The following ATP8A2 variants were observed in gnomAD, a reference collection of about 807,000 sequenced individuals.
The protein encoded by ATP8A2 is ATPase phospholipid transporting 8A2, also known as phospholipid-transporting ATPase IB.
Under a neutral mutation model 165.6 loss-of-function variants are expected in ATP8A2, and 100 were observed. The observed-to-expected ratio is 0.60, with a 90% confidence interval of 0.51 to 0.71. The LOEUF (loss-of-function observed/expected upper bound fraction) is 0.71, where lower values mean the gene tolerates loss of function less well. Ranked by LOEUF, ATP8A2 falls within the 30% of genes least tolerant of loss-of-function variation. ATP8A2 has a pLI of 0.00. For missense variants in ATP8A2, 1,227 were observed against 1,479.5 expected, an observed-to-expected ratio of 0.83 and a Z score of 2.80; for synonymous variants, 543 against 548.8, an observed-to-expected ratio of 0.99 and a Z score of 0.15.
At chr13:25,607,207 T>C (rs1029882673) in intron 24 of ATP8A2, among the ~76,000 whole-genome samples, 1 of 152,210 alleles carries the variant, frequency 6.6e-6, no homozygotes, top group Non-Finnish European at 1.5e-5. Context: ...GTTAAAATTA[T>C]CTTCCACAAA....
At chr13:25,540,686 G>T (rs1340763821) in intron 8 of ATP8A2, among the ~76,000 whole-genome samples, 1 of 152,128 alleles carries the variant, frequency 6.6e-6, no homozygotes. Flanking sequence ...GGCTGGGAAG[G>T]ACACAGCTTA....
rs74039594 is a variant in ATP8A2 at position 25,908,239 on chromosome 13, A to G, written c.3183+45831A>G. Among the ~76,000 whole-genome samples, 432 of 152,282 alleles carry G rather than the reference A, an allele frequency of 2.8e-3. 2 individuals carry two copies. Among genetic ancestry groups the G allele is most frequent in the African/African-American group, 9.6e-3 (399 of 41,548 alleles). On this transcript the variant is annotated intron_variant, in intron 33 of 36. Transcript: ENST00000381655. ...GGCAGTTTTCTAATGCAGTGGTGTCAGTAGTTACCGTAAGTCAGCAGTCAT... is the reference window on the plus strand; with the variant it reads ...GGCAGTTTTCTAATGCAGTGGTGTCGGTAGTTACCGTAAGTCAGCAGTCAT...
intron 1 of ATP8A2, among the ~76,000 whole-genome samples, chr13:25,422,859 G>A (rs182051404): frequency 7.2e-4 from 110 of 152,324 alleles, no homozygotes; most frequent in African/African-American, 2.5e-3. Flanking sequence ...GCTGTTGCTG[G>A]GGCAAATGTC....
At chr13:25,881,493 T>A (rs1185374695) in intron 33 of ATP8A2, among the ~76,000 whole-genome samples, 1 of 152,140 alleles carries the variant, frequency 6.6e-6, no homozygotes, top group Non-Finnish European at 1.5e-5. Context: ...AGGACTGTGC[T>A]TGAGAGTTAA....
In ATP8A2 at chr13:25,868,046, G is replaced by T. The variant is rs1376091006; in HGVS notation, c.3183+5638G>T. 3.8e-5 allele frequency: 17 copies of T among 441,846 alleles called. No homozygotes were observed. In the Admixed American group the frequency reaches 4.3e-4, roughly 11 times the overall value. The allele number at this position is 441,846 out of a possible 1,614,324, so 27.4% of individuals were successfully genotyped here. A position where few individuals can be genotyped will look rare whatever the true frequency, so the allele number is the denominator to read the frequency against. Reference sequence around the variant, plus strand: ...GTGGGGCGCTCAGTGAGAATTTCCTGTGTGCTGCCCGGCCTTGTGGGTAGC... The same window carrying T: ...GTGGGGCGCTCAGTGAGAATTTCCTTTGTGCTGCCCGGCCTTGTGGGTAGC... On this transcript the variant is annotated intron_variant, in intron 33 of 36. Transcript: ENST00000381655.
chr13:25,408,502 C>T (rs1417879363), intron 1 of ATP8A2, among the ~76,000 whole-genome samples: 1 of 152,146 alleles, frequency 6.6e-6, no homozygotes. Flanking sequence ...CTGTGGCAGG[C>T]TCATGCACAC....
intron 28 of ATP8A2, among the ~76,000 whole-genome samples, chr13:25,829,855 A>G (rs1268916154): frequency 6.6e-6 from 1 of 150,984 alleles, no homozygotes; most frequent in Non-Finnish European, 1.5e-5. Context: ...TGCCTACTAC[A>G]GATAAGATGC....
chr13:25,826,230 T>C (rs1439468489), intron 27 of ATP8A2, among the ~76,000 whole-genome samples: 1 of 152,100 alleles, frequency 6.6e-6, no homozygotes, highest in African/African-American at 2.4e-5. Flanking sequence ...AAGGGTCAAT[T>C]TACAATAAAA....
chr13:25,510,308 C>G (rs1029662536), intron 2 of ATP8A2, among the ~76,000 whole-genome samples: 1 of 152,024 alleles, frequency 6.6e-6, no homozygotes, highest in African/African-American at 2.4e-5. Context: ...AAGATGACCC[C>G]TTGGGCTATT....
intron 32 of ATP8A2, 41 bp from the exon 33 acceptor site, chr13:25,862,260 C>A: frequency 6.8e-7 from 1 of 1,474,934 alleles, no homozygotes; most frequent in Non-Finnish European, 9.5e-7. Context: ...ATCTGCCAGG[C>A]TGGTCGAGAA....
chr13:25,842,738 AGAAGGAAG>A (rs907836398), intron 30 of ATP8A2, among the ~76,000 whole-genome samples: 1 of 151,362 alleles, frequency 6.6e-6, no homozygotes, highest in African/African-American at 2.4e-5. Context: ...AGGGAAAGGA[AGAAGGAAG>A]GAAGGAAGGA....
chr13:25,516,222 C>G (rs1216363821), intron 2 of ATP8A2, among the ~76,000 whole-genome samples: 1 of 151,878 alleles, frequency 6.6e-6, no homozygotes, highest in South Asian at 2.1e-4. Context: ...GTTCCTGAAC[C>G]CTGTCTCCTT....
At chr13:25,770,478 C>T (rs1227895570) in intron 26 of ATP8A2, among the ~76,000 whole-genome samples, 1 of 152,130 alleles carries the variant, frequency 6.6e-6, no homozygotes, top group Non-Finnish European at 1.5e-5. Context: ...TCACTGGCTA[C>T]CCCCACCCAC....
chr13:25,480,285 C>T (rs1311142052), intron 2 of ATP8A2, among the ~76,000 whole-genome samples: 17 of 148,132 alleles, frequency 1.1e-4, no homozygotes, highest in South Asian at 8.7e-4. Flanking sequence ...GGCGGCTGGC[C>T]GGGCGGGGGG....
At chr13:25,447,924 G>A (rs531495956) in intron 1 of ATP8A2, among the ~76,000 whole-genome samples, 111 of 152,324 alleles carry the variant, frequency 7.3e-4, no homozygotes, top group Non-Finnish European at 1.1e-3. Flanking sequence ...GTCTCCAACC[G>A]TAGTCTTTGA....
At position 25,551,372 on chromosome 13, in the gene ATP8A2, T is replaced by C; in HGVS notation, c.926T>C (p.Val309Ala). 6.2e-7 allele frequency: 1 copy of C among 1,614,138 alleles called. No homozygotes were observed. The highest frequency in any genetic ancestry group is 8.5e-7 in the Non-Finnish European group (1 of 1,180,006). ...AAAGCGCCTCTCAAGAGATCAAATG[T>C]TGAGAAGGTGACTAACGTGCAGATC... ...STKAPLKRSN[V>A]EKVTNVQILV... The change falls in exon 11 of 37, where the codon GTT (valine) becomes GCT (alanine). Residue 309 changes from valine to alanine, a missense_variant. Coordinates refer to ENST00000381655, the MANE Select transcript of ATP8A2 (RefSeq NM_016529.6).
intron 1 of ATP8A2, among the ~76,000 whole-genome samples, chr13:25,435,944 TGTGTGTGA>T (rs1216807340): frequency 8.4e-5 from 6 of 71,612 alleles, no homozygotes; most frequent in African/African-American, 2.3e-4. Flanking sequence ...TGTGTGTGTG[TGTGTGTGA>T]GTGTGTGTGT....
chr13:26,017,831 A>G (rs1337291249), intron 36 of ATP8A2, among the ~76,000 whole-genome samples: 1 of 152,152 alleles, frequency 6.6e-6, no homozygotes, highest in Non-Finnish European at 1.5e-5. Flanking sequence ...TCAGGCTCAG[A>G]CACCCACCTG....
chr13:25,754,413 A>G (rs1275057630), intron 25 of ATP8A2, among the ~76,000 whole-genome samples: 1 of 148,582 alleles, frequency 6.7e-6, no homozygotes, highest in Non-Finnish European at 1.5e-5. Context: ...AAAAAAAAGT[A>G]TGCGATTTTT....
Sources: allele counts gnomAD v4.1 joint callset (sites outside exome capture counted in the v4.1 genomes callset), GRCh38; gene constraint gnomAD v4.1.1; transcripts MANE v1.5; gene names NCBI Gene and HGNC (gene_info 2026-07-23, HGNC 2026-07-21).